Variants in VAT1L observed in about 807,000 individuals in gnomAD.
The protein encoded by VAT1L is vesicle amine transport 1 like.
Under a neutral mutation model 44.1 loss-of-function variants are expected in VAT1L, and 34 were observed. The ratio of observed to expected loss-of-function variants is 0.77; its 90% confidence interval spans 0.59 to 1.03. VAT1L has a LOEUF of 1.03. VAT1L is among the 50% of genes least tolerant of loss of function. The pLI is 0.00. For missense variants in VAT1L, 615 were observed against 538.8 expected, an observed-to-expected ratio of 1.14 and a Z score of -1.40; for synonymous variants, 253 against 202.2, an observed-to-expected ratio of 1.25 and a Z score of -2.13.
chr16:77,934,860 A>T (rs191852619), intron 7 of VAT1L, among the ~76,000 whole-genome samples: 1 of 152,240 alleles, frequency 6.6e-6, no homozygotes, highest in African/African-American at 2.4e-5. Flanking sequence ...CAATGGAGAC[A>T]TGAGGATGAG....
At chr16:77,930,666 T>G (rs1196587090) in intron 7 of VAT1L, among the ~76,000 whole-genome samples, 1 of 152,124 alleles carries the variant, frequency 6.6e-6, no homozygotes, top group African/African-American at 2.4e-5. Flanking sequence ...AATCCTAATC[T>G]CAGGGTGTTG....
intron 1 of VAT1L, among the ~76,000 whole-genome samples, chr16:77,813,965 G>A (rs1017477377): frequency 1.3e-5 from 2 of 152,178 alleles, no homozygotes; most frequent in Admixed American, 6.5e-5. Context: ...TAAAGAGGTA[G>A]AGTGTATTGC....
intron 4 of VAT1L, 23 bp downstream of exon 4, chr16:77,862,913 A>G: frequency 6.2e-7 from 1 of 1,612,464 alleles, no homozygotes. Context: ...CTTTTGAAAA[A>G]GCACCAGGCT....
chr16:77,850,752 C>T (rs1462769787), intron 3 of VAT1L, among the ~76,000 whole-genome samples: 1 of 152,104 alleles, frequency 6.6e-6, no homozygotes, highest in East Asian at 1.9e-4. Context: ...ATCCGGCATC[C>T]CACCATGCAA....
In VAT1L at chr16:77,954,422, C is replaced by T. The variant is rs908690815; in HGVS notation, c.1078-17428C>T. Among the ~76,000 whole-genome samples, 9 of 152,108 alleles carry T rather than the reference C, an allele frequency of 5.9e-5. No individual in the cohort carries two copies. In the South Asian group the frequency reaches 1.0e-3, roughly 18 times the overall value. On this transcript the variant is annotated intron_variant, in intron 7 of 8. Coordinates refer to ENST00000302536, the MANE Select transcript of VAT1L (RefSeq NM_020927.3). Reference sequence around the variant, plus strand: ...CAGGCGGATCACAAGATCAGGAGTTCGAGACCAGCCTGACCAACATGGTGA... The same window carrying T: ...CAGGCGGATCACAAGATCAGGAGTTTGAGACCAGCCTGACCAACATGGTGA...
At chr16:77,811,893 T>C (rs1286009583) in intron 1 of VAT1L, among the ~76,000 whole-genome samples, 1 of 152,118 alleles carries the variant, frequency 6.6e-6, no homozygotes, top group Admixed American at 6.5e-5. Flanking sequence ...ACCTAAGCTT[T>C]GATTTTGATA....
In VAT1L at chr16:77,884,900, C is replaced by T. The variant is rs2017194494; in HGVS notation, c.1077+98C>T. 1 of 1,346,524 alleles carries T rather than the reference C, an allele frequency of 7.4e-7. No individual in the cohort carries two copies. The highest frequency in any genetic ancestry group is 1.7e-5 in the South Asian group (1 of 58,938). 83.4% of individuals were successfully genotyped at this position (1,346,524 alleles called of 1,614,324 possible). On this transcript the variant is annotated intron_variant, in intron 7 of 8. Transcript: ENST00000302536. This position sits in a 1 kb window ranked among gnomAD's most constrained non-coding sequence, Gnocchi z 4.5. ...ATCTTCTACTAAATGATTTTTTTCC[C>T]AGATGGGTTTGTTTTAAATGAGGGT...
At chr16:77,905,586 A>G (rs1567504174) in intron 7 of VAT1L, among the ~76,000 whole-genome samples, 2 of 152,014 alleles carry the variant, frequency 1.3e-5, no homozygotes, top group African/African-American at 4.8e-5. Context: ...CTGTTGTACC[A>G]TTATTCACAA....
At chr16:77,789,031 C>T in intron 1 of VAT1L, 116 bp downstream of exon 1, 7 of 1,266,848 alleles carry the variant, frequency 5.5e-6, no homozygotes, top group South Asian at 1.6e-5. Context: ...CGCACCCCCT[C>T]CGCGCCCTCA....
At chr16:77,974,781 C>T (rs1242283621) in intron 8 of VAT1L, among the ~76,000 whole-genome samples, 4 of 151,934 alleles carry the variant, frequency 2.6e-5, no homozygotes, top group African/African-American at 9.7e-5. Flanking sequence ...GTTGGCCAGG[C>T]TGGTTTTGAA....
intron 2 of VAT1L, among the ~76,000 whole-genome samples, chr16:77,820,980 C>G (rs1245737571): frequency 6.6e-6 from 1 of 152,150 alleles, no homozygotes; most frequent in Non-Finnish European, 1.5e-5. Context: ...CCCTTTAGAC[C>G]TACAGATGTT....
chr16:77,910,835 A>G (rs567791607), intron 7 of VAT1L, among the ~76,000 whole-genome samples: 7 of 152,318 alleles, frequency 4.6e-5, no homozygotes, highest in African/African-American at 1.7e-4. Flanking sequence ...ATTATTAGAC[A>G]TTTGTTCAGT....
rs575096812 is a variant in VAT1L, at chr16:77,788,590, A to C, written c.-93A>C. ...TTGCACAGCCGAGCATCCCACATTCAACAGGAGGAACCCGCGGGAGAGGAG... is the reference window on the plus strand; with the variant it reads ...TTGCACAGCCGAGCATCCCACATTCCACAGGAGGAACCCGCGGGAGAGGAG... On this transcript the variant is annotated 5_prime_UTR_variant, in exon 1 of 9. Transcript: ENST00000302536. 1.2e-4 allele frequency: 167 copies of C among 1,422,410 alleles called. No homozygotes were observed. The African/African-American group carries it at 2.1e-3, about 18-fold the overall frequency. 88.1% of individuals were successfully genotyped at this position (1,422,410 alleles called of 1,614,324 possible).
At chr16:77,842,525 C>CAG (rs1322364779) in intron 3 of VAT1L, among the ~76,000 whole-genome samples, 1 of 152,136 alleles carries the variant, frequency 6.6e-6, no homozygotes, top group African/African-American at 2.4e-5. Context: ...GATAGGTTAG[C>CAG]AGAGTTCTTA....
chr16:77,962,739 A>AGAAGGAAG (rs200754303), intron 7 of VAT1L, among the ~76,000 whole-genome samples: 25,636 of 129,288 alleles, frequency 0.2, 2,965 homozygotes, highest in Non-Finnish European at 0.24. Context: ...AAAGAAGGAA[A>AGAAGGAAG]GAAGGAAGGA....
At chr16:77,949,923 T>C (rs1349773338) in intron 7 of VAT1L, among the ~76,000 whole-genome samples, 1 of 152,210 alleles carries the variant, frequency 6.6e-6, no homozygotes, top group South Asian at 2.1e-4. Context: ...TTGTCACTTT[T>C]ATTTTGGTGT....
intron 1 of VAT1L, among the ~76,000 whole-genome samples, chr16:77,798,508 T>G (rs1205263916): frequency 6.6e-6 from 1 of 152,184 alleles, no homozygotes; most frequent in African/African-American, 2.4e-5. Flanking sequence ...TGTTGATACA[T>G]TTCATATTTG....
intron 7 of VAT1L, among the ~76,000 whole-genome samples, chr16:77,938,360 A>G (rs2017829962): frequency 6.6e-6 from 1 of 152,180 alleles, no homozygotes; most frequent in Non-Finnish European, 1.5e-5. Flanking sequence ...ACGCTCTGTC[A>G]AAAAAATCTG....
intron 1 of VAT1L, among the ~76,000 whole-genome samples, chr16:77,814,382 A>G (rs2016316464): frequency 6.6e-6 from 1 of 152,204 alleles, no homozygotes; most frequent in South Asian, 2.1e-4. Context: ...AGAATCGCCT[A>G]ATGCCTCACT....
Sources: gnomAD v4.1 joint callset for allele counts (sites outside exome capture counted in the v4.1 genomes callset) on GRCh38, gnomAD v4.1.1 for gene constraint, Gnocchi (gnomAD v3.1) non-coding constraint, MANE v1.5 for transcripts, NCBI Gene and HGNC (gene_info 2026-07-23, HGNC 2026-07-21) for gene names.